The following ZBTB20 variants were observed in gnomAD, a reference collection of about 807,000 sequenced individuals.
The protein encoded by ZBTB20 is zinc finger and BTB domain-containing protein 20.
Under a neutral mutation model 56.9 loss-of-function variants are expected in ZBTB20, and 9 were observed. That is an observed-to-expected ratio of 0.16 (90% confidence interval 0.10 to 0.28). The LOEUF (loss-of-function observed/expected upper bound fraction) is 0.28. ZBTB20 is among the 10% of genes least tolerant of loss of function. The pLI, the probability that ZBTB20 is intolerant of heterozygous loss-of-function variation, is 1.00. For missense variants in ZBTB20, 655 were observed against 1,003.0 expected, an observed-to-expected ratio of 0.65 and a Z score of 4.69; for synonymous variants, 417 against 420.7, an observed-to-expected ratio of 0.99 and a Z score of 0.11.
At chr3:114,846,279 C>T (rs2107368167) in intron 4 of ZBTB20, among the ~76,000 whole-genome samples, 1 of 152,324 alleles carries the variant, frequency 6.6e-6, no homozygotes, top group East Asian at 1.9e-4. Flanking sequence ...CCTCAGAGAG[C>T]TTGCTCCTCA....
chr3:114,769,786 T>C (rs2069066858), intron 5 of ZBTB20, among the ~76,000 whole-genome samples: 1 of 151,862 alleles, frequency 6.6e-6, no homozygotes, highest in Admixed American at 6.6e-5. Flanking sequence ...GGGCTAGGCA[T>C]GGTGGCTCAG....
chr3:115,137,505 T>C (rs2084683040), intron 1 of ZBTB20, among the ~76,000 whole-genome samples: 1 of 152,098 alleles, frequency 6.6e-6, no homozygotes, highest in Non-Finnish European at 1.5e-5. Context: ...ACTACTCTGA[T>C]AGAAATGCAT....
intron 6 of ZBTB20, among the ~76,000 whole-genome samples, chr3:114,594,571 C>T (rs1346647849): frequency 1.3e-5 from 2 of 152,110 alleles, no homozygotes; most frequent in Non-Finnish European, 2.9e-5. Flanking sequence ...ATGTTCTTAT[C>T]TCATTCCTGT....
At chr3:114,348,288 C>T (rs774845529) in intron 11 of ZBTB20, among the ~76,000 whole-genome samples, 14 of 152,172 alleles carry the variant, frequency 9.2e-5, no homozygotes, top group Non-Finnish European at 2.1e-4. Flanking sequence ...CTGCACCCCT[C>T]CCCCATGTTC....
At chr3:114,509,592 G>A (rs959487124) in intron 6 of ZBTB20, among the ~76,000 whole-genome samples, 2 of 152,026 alleles carry the variant, frequency 1.3e-5, no homozygotes, top group African/African-American at 4.8e-5. Flanking sequence ...CACATCATAC[G>A]TGCACACACA....
intron 6 of ZBTB20, among the ~76,000 whole-genome samples, chr3:114,635,252 T>A (rs1262778329): frequency 6.6e-6 from 1 of 152,202 alleles, no homozygotes. Flanking sequence ...GTAAAGGGCC[T>A]TGCCCCCAGT....
chr3:114,322,061 A>G lies in ZBTB20; in HGVS notation c.*16944T>C, dbSNP rs2078913237. ...AGACTGTGGCTTTTTCAACACTTGA[A>G]TTCATTGGCCAGTTGTCTGACTCTC... is the stretch of plus-strand genomic sequence containing the variant. On this transcript the variant is annotated 3_prime_UTR_variant, in exon 12 of 12. Coordinates refer to ENST00000675478, the MANE Select transcript of ZBTB20 (RefSeq NM_001348800.3). 1 of 152,210 alleles carries G rather than the reference A, an allele frequency of 6.6e-6. No individual in the cohort carries two copies. The highest frequency in any genetic ancestry group is 1.5e-5 in the Non-Finnish European group (1 of 68,058). 9.4% of individuals were successfully genotyped at this position (152,210 alleles called of 1,614,324 possible).
intron 6 of ZBTB20, among the ~76,000 whole-genome samples, chr3:114,654,044 T>G (rs2108019646): frequency 6.6e-6 from 1 of 151,918 alleles, no homozygotes; most frequent in East Asian, 1.9e-4. Flanking sequence ...TCTGTTAATC[T>G]TTTCAAATAT....
intron 4 of ZBTB20, among the ~76,000 whole-genome samples, chr3:114,821,477 C>A (rs1257595515): frequency 6.6e-6 from 1 of 152,104 alleles, no homozygotes; most frequent in African/African-American, 2.4e-5. Flanking sequence ...AGTTTGCCTG[C>A]AGCTCACCTT....
intron 6 of ZBTB20, among the ~76,000 whole-genome samples, chr3:114,555,399 C>A (rs189892281): frequency 2.0e-5 from 3 of 152,158 alleles, no homozygotes; most frequent in East Asian, 3.9e-4. Context: ...GACATCCCAG[C>A]ATCTCAGCAG....
In ZBTB20 at chr3:114,314,649, A is replaced by G. The variant is rs1344536557; in HGVS notation, c.*24356T>C. On this transcript the variant is annotated 3_prime_UTR_variant, in exon 12 of 12. Transcript: ENST00000675478. ...CAAAAACCCCAAAAAAACAAACATC[A>G]TTCTTAGCAACATCAATTACTCTTC... 6.6e-6 allele frequency: 1 copy of G among 151,914 alleles called. No homozygotes were observed. Among genetic ancestry groups the G allele is most frequent in the African/African-American group, 2.4e-5 (1 of 41,404 alleles). 9.4% of individuals were successfully genotyped at this position (151,914 alleles called of 1,614,324 possible). A position where few individuals can be genotyped will look rare whatever the true frequency, so the allele number is the denominator to read the frequency against.
At chr3:115,012,927 T>G (rs76025244) in intron 2 of ZBTB20, among the ~76,000 whole-genome samples, 2 of 151,702 alleles carry the variant, frequency 1.3e-5, no homozygotes, top group Non-Finnish European at 2.9e-5. Flanking sequence ...CTGGAAACTA[T>G]ACAAACACAT....
intron 7 of ZBTB20, among the ~76,000 whole-genome samples, chr3:114,389,372 G>A (rs2085544026): frequency 6.6e-6 from 1 of 152,158 alleles, no homozygotes; most frequent in African/African-American, 2.4e-5. Flanking sequence ...TGATTTTGTG[G>A]TTCTGACTTA....
intron 6 of ZBTB20, among the ~76,000 whole-genome samples, chr3:114,612,634 C>T (rs1045079587): frequency 2.0e-5 from 3 of 152,066 alleles, no homozygotes; most frequent in South Asian, 2.1e-4. Flanking sequence ...TTCTTTTTTA[C>T]GTGATATTCA....
intron 1 of ZBTB20, among the ~76,000 whole-genome samples, chr3:115,074,676 A>G (rs1167368835): frequency 6.6e-6 from 1 of 152,182 alleles, no homozygotes. Context: ...ATTGCTGAGA[A>G]AAGGAAATTA....
chr3:114,629,555 T>C (rs1337998944), intron 6 of ZBTB20, among the ~76,000 whole-genome samples: 1 of 152,184 alleles, frequency 6.6e-6, no homozygotes, highest in Non-Finnish European at 1.5e-5. Flanking sequence ...ATTATTATTA[T>C]TGTAGCACTT....
At chr3:114,480,617 T>A (rs1361235985) in intron 7 of ZBTB20, among the ~76,000 whole-genome samples, 1 of 152,182 alleles carries the variant, frequency 6.6e-6, no homozygotes, top group African/African-American at 2.4e-5. Flanking sequence ...CTGAAGAACA[T>A]CCATATAGTC....
At chr3:114,777,173 A>G (rs1242335779) in intron 5 of ZBTB20, among the ~76,000 whole-genome samples, 1 of 152,166 alleles carries the variant, frequency 6.6e-6, no homozygotes, top group Non-Finnish European at 1.5e-5. Flanking sequence ...TTAAGGTTTA[A>G]CCCAAAGATA....
intron 6 of ZBTB20, among the ~76,000 whole-genome samples, chr3:114,501,646 CAA>C (rs761238911): frequency 3.6e-5 from 3 of 84,318 alleles, no homozygotes; most frequent in Non-Finnish European, 5.0e-5. Context: ...AATCACAGGC[CAA>C]AAAAAAAAAA....
Sources: gnomAD v4.1 joint callset for allele counts (sites outside exome capture counted in the v4.1 genomes callset) on GRCh38, gnomAD v4.1.1 for gene constraint, MANE v1.5 for transcripts, NCBI Gene and HGNC (gene_info 2026-07-23, HGNC 2026-07-21) for gene names.